MIGA1: variants seen among roughly 807,000 people sequenced by gnomAD.
The protein encoded by MIGA1 is mitoguardin 1, also known as family with sequence similarity 73, member A.
Under a neutral mutation model 82.0 loss-of-function variants are expected in MIGA1, and 58 were observed. The ratio of observed to expected loss-of-function variants is 0.71; its 90% CI spans 0.57 to 0.88. MIGA1 has a LOEUF of 0.88. Among genes scored for constraint, MIGA1 ranks in the 40% least tolerant of loss-of-function variants. The pLI, the probability that MIGA1 is intolerant of heterozygous loss-of-function variation, is 0.00. For missense variants in MIGA1, 751 were observed against 749.1 expected (o/e 1.00, Z -0.03); for synonymous variants, 249 against 253.6 (o/e 0.98, Z 0.17).
chr1:77,875,172 G>C lies in MIGA1; in HGVS notation c.*108G>C. 1.1e-6 allele frequency: 1 copy of C among 869,686 alleles called. No homozygotes were observed. The highest frequency in any genetic ancestry group is 1.8e-6 in the Non-Finnish European group (1 of 564,994). 53.9% of individuals were successfully genotyped at this position (869,686 alleles called of 1,614,324 possible). ...AACAGAATTGATGCATGTGGATTCA[G>C]GGAGGAAAAAAAAATCTACTAAAAA... On this transcript the variant is annotated 3_prime_UTR_variant, in exon 16 of 16. Transcript: ENST00000370791.
At position 77,783,263 on chromosome 1, in the gene MIGA1, A is replaced by T. The variant is rs1378699957; in HGVS notation, c.107A>T (p.Glu36Val). 2 of 1,592,468 alleles carry T rather than the reference A, an allele frequency of 1.3e-6. No homozygotes were observed. The highest frequency in any genetic ancestry group is 3.3e-5 in the Admixed American group (2 of 59,772). ...ATTAGAAGAGGAGCCATGTCAGAAGAAACAGTAAGTGAATCACAGTTTTCC... is the reference window on the plus strand; with the variant it reads ...ATTAGAAGAGGAGCCATGTCAGAAGTAACAGTAAGTGAATCACAGTTTTCC... Residue 36 changes from glutamate to valine, a missense_variant, in exon 2 of 16, where the codon GAA becomes GTA. By Grantham distance (121) the Glu-to-Val change is moderately radical. This residue lies in a region of MIGA1 where 482 missense variants were observed against 439.4 expected (regional missense o/e 1.10). Transcript: ENST00000370791.
At chr1:77,779,939 A>AG in intron 1 of MIGA1, 1 of 1,373,564 alleles carries the variant, frequency 7.3e-7, no homozygotes, top group Non-Finnish European at 9.4e-7. Flanking sequence ...ACCTCGTCTC[A>AG]TCTCAGAAGC....
At chr1:77,792,587 G>C (rs1415302124) in intron 2 of MIGA1, among the ~76,000 whole-genome samples, 2 of 152,166 alleles carry the variant, frequency 1.3e-5, no homozygotes, top group Non-Finnish European at 2.9e-5. Context: ...GTTTTAAAAT[G>C]CATTTCAAAG....
intron 5 of MIGA1, chr1:77,811,219 T>C (rs1683314793): frequency 1.9e-6 from 3 of 1,553,902 alleles, no homozygotes; most frequent in Non-Finnish European, 1.8e-6. Context: ...AACTGTAATA[T>C]AGGGATCGAT....
chr1:77,817,537 A>C (rs1421162421), intron 7 of MIGA1, among the ~76,000 whole-genome samples: 2 of 152,154 alleles, frequency 1.3e-5, no homozygotes, highest in African/African-American at 4.8e-5. Flanking sequence ...GTTGCCCTGG[A>C]GATTCCATTT....
intron 14 of MIGA1, among the ~76,000 whole-genome samples, chr1:77,870,233 A>C (rs1282439814): frequency 4.5e-4 from 40 of 89,450 alleles, no homozygotes; most frequent in East Asian, 8.3e-4. Context: ...CCCCCCCCCC[A>C]CCTCCCTCCC....
chr1:77,813,850 G>T lies in MIGA1; in HGVS notation c.754G>T (p.Ala252Ser). Residue 252 changes from alanine (A) to serine (S), a missense_variant, in exon 6 of 16, where the codon GCT (alanine) becomes TCT (serine). Around this residue, in one of 3 missense-constraint regions of MIGA1, gnomAD observed 482 missense variants for 439.4 expected, o/e 1.10. Coordinates refer to ENST00000370791, the MANE Select transcript of MIGA1 (RefSeq NM_198549.4). ...TAAACTGGGTGCAGGAGATGCCATTGCTGAAGAAAATGTAGATGTAAGGGT... is the reference window on the plus strand; with the variant it reads ...TAAACTGGGTGCAGGAGATGCCATTTCTGAAGAAAATGTAGATGTAAGGGT... 8 of 1,614,170 alleles carry T rather than the reference G, an allele frequency of 5.0e-6. No individual in the cohort carries two copies. The highest frequency in any genetic ancestry group is 6.8e-6 in the Non-Finnish European group (8 of 1,180,022).
At chr1:77,805,536 CTT>C (rs1377829114) in intron 4 of MIGA1, among the ~76,000 whole-genome samples, 1 of 43,290 alleles carries the variant, frequency 2.3e-5, no homozygotes, top group Non-Finnish European at 4.9e-5. Context: ...TTTTTCTTTT[CTT>C]TTTTTTTTTG....
intron 4 of MIGA1, among the ~76,000 whole-genome samples, chr1:77,804,848 C>T (rs567371971): frequency 1.1e-4 from 16 of 151,928 alleles, no homozygotes; most frequent in African/African-American, 3.1e-4. Context: ...AGGCTGGTCT[C>T]GAACTCCTGA....
chr1:77,789,201 C>CTTTTTTT (rs148055304), intron 2 of MIGA1, among the ~76,000 whole-genome samples: 4 of 108,832 alleles, frequency 3.7e-5, no homozygotes, highest in African/African-American at 7.0e-5. Flanking sequence ...GGGGCGGTTG[C>CTTTTTTT]TTTTTTTTTT....
intron 2 of MIGA1, among the ~76,000 whole-genome samples, chr1:77,798,198 T>C (rs985553990): frequency 6.6e-5 from 10 of 152,294 alleles, no homozygotes; most frequent in Non-Finnish European, 1.5e-4. Flanking sequence ...TTATGGAGGC[T>C]GAAATCACAG....
chr1:77,863,655 C>T (rs899846856), intron 12 of MIGA1, among the ~76,000 whole-genome samples: 1 of 152,132 alleles, frequency 6.6e-6, no homozygotes, highest in Non-Finnish European at 1.5e-5. Flanking sequence ...GAACAAAGGA[C>T]TCCTAGAATA....
At chr1:77,823,036 T>A (rs1683886625) in intron 7 of MIGA1, among the ~76,000 whole-genome samples, 1 of 150,856 alleles carries the variant, frequency 6.6e-6, no homozygotes, top group Non-Finnish European at 1.5e-5. Flanking sequence ...AGAGACGGGG[T>A]TTCACCACGT....
At chr1:77,847,981 A>G in intron 8 of MIGA1, 1 of 1,226,752 alleles carries the variant, frequency 8.2e-7, no homozygotes, top group Non-Finnish European at 1.2e-6. Flanking sequence ...CCCAAGCACC[A>G]CAGGAATCAA....
At chr1:77,794,309 T>C (rs1275246575) in intron 2 of MIGA1, among the ~76,000 whole-genome samples, 2 of 152,216 alleles carry the variant, frequency 1.3e-5, no homozygotes, top group African/African-American at 4.8e-5. Context: ...TTCCACCTTA[T>C]ATCCTTCAGG....
Position 77,863,915 on chromosome 1 carries a change from G to T in MIGA1, c.1396G>T (p.Asp466Tyr). 3 of 1,564,246 alleles carry T rather than the reference G, an allele frequency of 1.9e-6. No homozygotes were observed. The highest frequency in any genetic ancestry group is 2.6e-6 in the Non-Finnish European group (3 of 1,156,092). The change falls in exon 13 of 16, where the codon GAT (aspartate) becomes TAT (tyrosine). Residue 466 changes from aspartate to tyrosine, a missense_variant. Physicochemically the swap from Asp to Tyr is radical, Grantham distance 160. This residue lies in a region of MIGA1 where 265 missense variants were observed against 293.6 expected (regional missense o/e 0.90). Coordinates refer to ENST00000370791, the MANE Select transcript of MIGA1 (RefSeq NM_198549.4). ...GCAGGTGAAAAATCTAAATTTTTAT[G>T]ATGTTGTTCTGGATTTTATATTAAT...
chr1:77,856,637 T>G (rs1685263876), intron 8 of MIGA1, among the ~76,000 whole-genome samples: 1 of 152,216 alleles, frequency 6.6e-6, no homozygotes, highest in South Asian at 2.1e-4. Context: ...TATCCATATC[T>G]TCTAGGTTTT....
intron 5 of MIGA1, among the ~76,000 whole-genome samples, chr1:77,809,754 G>GTT (rs55741013): frequency 2.9e-5 from 4 of 136,138 alleles, no homozygotes; most frequent in African/African-American, 5.4e-5. Context: ...GTGCATAAAT[G>GTT]TTTTTTTTTT....
intron 14 of MIGA1, among the ~76,000 whole-genome samples, chr1:77,871,041 G>A (rs1176278391): frequency 7.5e-5 from 11 of 146,228 alleles, no homozygotes; most frequent in East Asian, 4.2e-4. Flanking sequence ...CAGCAGTACC[G>A]TCCAGCTTTG....
Sources: gnomAD v4.1 joint callset for allele counts (sites outside exome capture counted in the v4.1 genomes callset) on GRCh38, gnomAD v4.1.1 for gene constraint, gnomAD v4.1.1 regional missense constraint, MANE v1.5 for transcripts, NCBI Gene and HGNC (gene_info 2026-07-23, HGNC 2026-07-21) for gene names.